Variants in CALN1 observed in about 807,000 individuals in gnomAD.
The protein encoded by CALN1 is calcium-binding protein 8.
A neutral mutation model predicts 30.6 loss-of-function variants in CALN1; 17 were observed. That is an observed-to-expected ratio of 0.56 (90% confidence interval 0.38 to 0.83). The LOEUF (loss-of-function observed/expected upper bound fraction) is 0.83, where lower values mean the gene tolerates loss of function less well. CALN1 is among the 40% of genes least tolerant of loss of function. CALN1 has a pLI of 0.00. For missense variants in CALN1, 291 were observed against 354.9 expected (o/e 0.82, Z 1.45); for synonymous variants, 156 against 131.4 (o/e 1.19, Z -1.28).
At chr7:72,201,136 G>A (rs777514658) in intron 3 of CALN1, among the ~76,000 whole-genome samples, 1 of 152,204 alleles carries the variant, frequency 6.6e-6, no homozygotes, top group Non-Finnish European at 1.5e-5. Context: ...CAACATGAGT[G>A]CAGCTGGAGG....
At position 71,792,130 on chromosome 7, in the gene CALN1, G is replaced by A. The variant is rs117058645; in HGVS notation, c.659-4228C>T. ...GCTGCGACCTGGCACTAATTCATGC[G>A]TTTCCTGATAATTATTGAAGATTAT... On this transcript the variant is annotated intron_variant, in intron 6 of 6. Transcript: ENST00000395275. 7.0e-4 allele frequency among the ~76,000 whole-genome samples: 107 copies of A among 152,238 alleles called. 2 individuals are homozygous for A. The East Asian group carries it at 0.019, about 27-fold the overall frequency.
chr7:72,317,635 G>A (rs2129556981), intron 2 of CALN1, among the ~76,000 whole-genome samples: 1 of 152,274 alleles, frequency 6.6e-6, no homozygotes, highest in East Asian at 1.9e-4. Flanking sequence ...GAACCTGTGT[G>A]GCACCTGGAC....
intron 4 of CALN1, among the ~76,000 whole-genome samples, chr7:72,063,383 G>A (rs1354401916): frequency 6.6e-6 from 1 of 152,158 alleles, no homozygotes; most frequent in African/African-American, 2.4e-5. Flanking sequence ...AGTCTCTTGG[G>A]AAAGTTTTCC....
the CALN1 span, among the ~76,000 whole-genome samples, chr7:72,476,840 T>C: frequency 6.6e-6 from 1 of 152,202 alleles, no homozygotes; most frequent in Non-Finnish European, 1.5e-5. Context: ...GGAGATCATG[T>C]TCTATTGCAG....
chr7:72,462,025 A>G, the CALN1 span, among the ~76,000 whole-genome samples: 9 of 151,972 alleles, frequency 5.9e-5, no homozygotes, highest in South Asian at 2.1e-4. Flanking sequence ...AAGAAAGAAA[A>G]AAAAAAAAGG....
At chr7:72,226,115 G>A (rs62462859) in intron 3 of CALN1, among the ~76,000 whole-genome samples, 1 of 136,072 alleles carries the variant, frequency 7.3e-6, no homozygotes, top group African/African-American at 2.8e-5. Context: ...AAAAAAATTA[G>A]CCGGGCATGG....
At chr7:72,144,595 A>AT (rs1416731112) in intron 3 of CALN1, among the ~76,000 whole-genome samples, 1 of 152,174 alleles carries the variant, frequency 6.6e-6, no homozygotes, top group Non-Finnish European at 1.5e-5. Context: ...ATATCCAGGA[A>AT]TTGAACTCAG....
At chr7:72,217,668 C>T (rs908635350) in intron 3 of CALN1, among the ~76,000 whole-genome samples, 1 of 151,790 alleles carries the variant, frequency 6.6e-6, no homozygotes, top group Non-Finnish European at 1.5e-5. Flanking sequence ...ACCCAACTGA[C>T]AAACTTGGTG....
chr7:71,826,695 T>C (rs1284675794), intron 5 of CALN1, among the ~76,000 whole-genome samples: 1 of 152,166 alleles, frequency 6.6e-6, no homozygotes, highest in African/African-American at 2.4e-5. Context: ...TGTGAATCTG[T>C]TGTTCCCACC....
chr7:72,011,077 C>G (rs531331523), intron 5 of CALN1, among the ~76,000 whole-genome samples: 6 of 151,078 alleles, frequency 4.0e-5, no homozygotes, highest in Admixed American at 6.6e-5. Flanking sequence ...TGCTTGAACC[C>G]GGGAGGCAGA....
chr7:71,816,423 T>G (rs1788268307), intron 5 of CALN1, among the ~76,000 whole-genome samples: 1 of 152,002 alleles, frequency 6.6e-6, no homozygotes. Context: ...GCAGAATGCA[T>G]GAAGAGGATG....
intron 5 of CALN1, among the ~76,000 whole-genome samples, chr7:71,943,606 AT>A (rs35461570): frequency 0.8 from 120,987 of 151,574 alleles, 48,507 homozygotes; most frequent in African/African-American, 0.85. Flanking sequence ...ACATGGGCTA[AT>A]TTTTTTTATT....
chr7:72,479,434 C>T, the CALN1 span, among the ~76,000 whole-genome samples: 1 of 151,234 alleles, frequency 6.6e-6, no homozygotes, highest in Non-Finnish European at 1.5e-5. Context: ...TTTTATCATG[C>T]TTTTTGTTTT....
At chr7:72,194,096 A>C (rs921968979) in intron 3 of CALN1, among the ~76,000 whole-genome samples, 1 of 152,196 alleles carries the variant, frequency 6.6e-6, no homozygotes, top group Non-Finnish European at 1.5e-5. Context: ...TCCCCAAAAA[A>C]TCTATTGAAA....
In CALN1 at chr7:71,781,246, CTAGA is replaced by C. The variant is rs1002979363; in HGVS notation, c.*6525_*6528del. 6.6e-6 allele frequency: 1 copy of C among 152,198 alleles called. No individual in the cohort carries two copies. The highest frequency in any genetic ancestry group is 2.4e-5 in the African/African-American group (1 of 41,450). The allele number at this position is 152,198 out of a possible 1,614,324, so 9.4% of individuals were successfully genotyped here. A position where few individuals can be genotyped will look rare whatever the true frequency, so the allele number is the denominator to read the frequency against. On this transcript the variant is annotated 3_prime_UTR_variant, in exon 7 of 7. Transcript: ENST00000395275. Reference sequence around the variant, plus strand: ...AGGGAGGAATGTCACTCAACATAACCTAGATAGTGGGTGGAAGAGTCCTGGCTCC... The same window carrying C: ...AGGGAGGAATGTCACTCAACATAACCTAGTGGGTGGAAGAGTCCTGGCTCC...
intron 3 of CALN1, among the ~76,000 whole-genome samples, chr7:72,184,311 G>A (rs765105998): frequency 6.6e-5 from 10 of 152,182 alleles, no homozygotes; most frequent in Non-Finnish European, 1.0e-4. Context: ...CTGTGGCCTT[G>A]AGCAATTGTG....
intron 3 of CALN1, among the ~76,000 whole-genome samples, chr7:72,197,628 A>G (rs975522283): frequency 2.0e-5 from 3 of 152,152 alleles, no homozygotes; most frequent in Non-Finnish European, 2.9e-5. Flanking sequence ...CCAGGAGTTC[A>G]AGACCAGCCT....
intron 5 of CALN1, among the ~76,000 whole-genome samples, chr7:71,848,690 A>G (rs1790460376): frequency 6.6e-6 from 1 of 152,072 alleles, no homozygotes; most frequent in African/African-American, 2.4e-5. Flanking sequence ...GGATAGAATT[A>G]TTTTAAGTTG....
Position 72,114,309 on chromosome 7 carries a change from G to A in CALN1, c.245-8015C>T, listed in dbSNP as rs35798924. On this transcript the variant is annotated intron_variant, in intron 3 of 6. Transcript: ENST00000395275. The stretch of plus-strand genomic sequence containing the variant: ...GAAGGGAAGGGAAGGGAAGGGAAGG[G>A]AAGGCAACACTGTAGTTTACGTGAT... Among the ~76,000 whole-genome samples the A allele has an allele frequency of 2.0e-5, 2 of 97,918 alleles. 1 individual carries two copies. The allele number at this position is 97,918 out of a possible 152,430, so 64.2% of individuals were successfully genotyped here. A position where few individuals can be genotyped will look rare whatever the true frequency, so the allele number is the denominator to read the frequency against.
Sources: allele counts gnomAD v4.1 joint callset (sites outside exome capture counted in the v4.1 genomes callset), GRCh38; gene constraint gnomAD v4.1.1; transcripts MANE v1.5; gene names NCBI Gene and HGNC (gene_info 2026-07-23, HGNC 2026-07-21).